Variants in CASD1 observed in about 807,000 individuals in gnomAD.
CASD1 encodes the protein N-acetylneuraminate (7)9-O-acetyltransferase.
Under a neutral mutation model 100.0 loss-of-function variants are expected in CASD1, and 41 were observed. That is an observed-to-expected ratio of 0.41 (90% confidence interval 0.32 to 0.53). The LOEUF (loss-of-function observed/expected upper bound fraction) is 0.53, where lower values mean the gene tolerates loss of function less well. CASD1 is among the 20% of genes least tolerant of loss of function. CASD1 has a pLI of 0.25. For missense variants in CASD1, 774 were observed against 948.7 expected, an observed-to-expected ratio of 0.82 and a Z score of 2.42; for synonymous variants, 321 against 315.6, an observed-to-expected ratio of 1.02 and a Z score of -0.18.
the CASD1 span, among the ~76,000 whole-genome samples, chr7:94,569,008 A>G: frequency 2.0e-5 from 3 of 152,200 alleles, no homozygotes; most frequent in Non-Finnish European, 4.4e-5. Context: ...AGTATAAGCA[A>G]ACTATTCACA....
chr7:94,623,922 G>A, the CASD1 span: 4 of 366,354 alleles, frequency 1.1e-5, no homozygotes, highest in South Asian at 5.9e-4. Flanking sequence ...GAGTAAAGTA[G>A]TAAGGATCAT....
At chr7:94,536,447 T>C (rs1795124786) in intron 8 of CASD1, among the ~76,000 whole-genome samples, 1 of 152,180 alleles carries the variant, frequency 6.6e-6, no homozygotes, top group Non-Finnish European at 1.5e-5. Context: ...TTCTTAACCT[T>C]TGTGAGAGTT....
rs1214089510 is a variant in CASD1 at position 94,537,009 on chromosome 7, A to T, written c.844-463A>T. Reference sequence around the variant, plus strand: ...TGTGCTTTTTTTCCCCCACATTTAAACAGTAGACTTTATCTTAAGTGGCCT... The same window carrying T: ...TGTGCTTTTTTTCCCCCACATTTAATCAGTAGACTTTATCTTAAGTGGCCT... On this transcript the variant is annotated intron_variant, in intron 8 of 17. Transcript: ENST00000297273. Among the ~76,000 whole-genome samples, 5 of 152,268 alleles carry T rather than the reference A, an allele frequency of 3.3e-5. No individual in the cohort carries two copies. The East Asian group carries it at 7.7e-4, about 24-fold the overall frequency.
At chr7:94,517,468 T>A in intron 1 of CASD1, 92 bp from the exon 2 acceptor site, 1 of 742,108 alleles carries the variant, frequency 1.3e-6, no homozygotes, top group Non-Finnish European at 2.2e-6. Context: ...AAACTCTACT[T>A]TTTTATTTCA....
chr7:94,590,343 TACC>T, the CASD1 span, among the ~76,000 whole-genome samples: 3 of 152,184 alleles, frequency 2.0e-5, no homozygotes, highest in Non-Finnish European at 4.4e-5. Context: ...CAAATTAGGT[TACC>T]ATTTAGCATG....
the CASD1 span, among the ~76,000 whole-genome samples, chr7:94,577,885 A>G: frequency 3.9e-5 from 6 of 152,304 alleles, no homozygotes; most frequent in Admixed American, 2.0e-4. Flanking sequence ...TAAAATGACA[A>G]TTCTCTTCAT....
At chr7:94,627,104 T>C in the CASD1 span, 9 of 152,144 alleles carry the variant, frequency 5.9e-5, no homozygotes, top group African/African-American at 2.2e-4. Context: ...TACACTGCCT[T>C]AAGGAATATG....
downstream of CASD1, among the ~76,000 whole-genome samples, chr7:94,557,661 C>T (rs1584444549): frequency 2.6e-5 from 4 of 152,058 alleles, no homozygotes; most frequent in South Asian, 8.3e-4. Context: ...CTTTTCTCTC[C>T]TATTTGAACT....
At chr7:94,583,694 C>A in the CASD1 span, among the ~76,000 whole-genome samples, 1 of 152,186 alleles carries the variant, frequency 6.6e-6, no homozygotes, top group African/African-American at 2.4e-5. Flanking sequence ...TGTACAGAAC[C>A]ACTACAGTCA....
rs956695359 is a variant in CASD1, at chr7:94,510,176, T to C, written c.92T>C (p.Leu31Pro). Residue 31 changes from leucine (L) to proline (P), a missense_variant, in exon 1 of 18, where the codon CTG becomes CCG. Around this residue, in one of 5 missense-constraint regions of CASD1, gnomAD observed 75 missense variants for 60.9 expected, o/e 1.23. Coordinates refer to ENST00000297273, the MANE Select transcript of CASD1 (RefSeq NM_022900.5). ...AAGGTGCTGGCGCTGGTGGCCGTGC[T>C]GCTGCTCGCAGCGTGCCACCTCGCC... is the stretch of plus-strand genomic sequence containing the variant. ...SAKVLALVAV[L>P]LLAACHLASR... The C allele has an allele frequency of 1.9e-5, 29 of 1,520,560 alleles. No homozygotes were observed. The African/African-American group carries it at 4.0e-4, about 21-fold the overall frequency. The allele number at this position is 1,520,560 out of a possible 1,614,324, so 94.2% of individuals were successfully genotyped here. A position where few individuals can be genotyped will look rare whatever the true frequency, so the allele number is the denominator to read the frequency against.
intron 13 of CASD1, among the ~76,000 whole-genome samples, chr7:94,548,983 G>T (rs532778494): frequency 5.3e-5 from 8 of 151,766 alleles, no homozygotes; most frequent in African/African-American, 1.7e-4. Context: ...ATGGAATTTG[G>T]GTATGGTTGA....
intron 4 of CASD1, among the ~76,000 whole-genome samples, chr7:94,527,424 G>T (rs1794630965): frequency 6.6e-6 from 1 of 152,070 alleles, no homozygotes; most frequent in South Asian, 2.1e-4. Flanking sequence ...ATGTGTTCCG[G>T]GTTAATGTCC....
At chr7:94,624,017 A>G in the CASD1 span, 1 of 393,026 alleles carries the variant, frequency 2.5e-6, no homozygotes, top group Non-Finnish European at 4.5e-6. Flanking sequence ...TGCAGAGCCA[A>G]TAGACTTACA....
chr7:94,518,924 A>C lies in CASD1; in HGVS notation c.351+601A>C, dbSNP rs1250266138. 2.6e-5 allele frequency among the ~76,000 whole-genome samples: 4 copies of C among 152,194 alleles called. No homozygotes were observed. The East Asian group carries it at 7.7e-4, about 29-fold the overall frequency. On this transcript the variant is annotated intron_variant, in intron 3 of 17. Transcript: ENST00000297273. ...TCTTTGTGTGAAAACTTTGCTTTTT[A>C]AATTATTTCCTTAGGGTGGAATCTC...
At chr7:94,598,711 C>A in the CASD1 span, 1 of 1,113,776 alleles carries the variant, frequency 9.0e-7, no homozygotes, top group African/African-American at 1.5e-5. Flanking sequence ...AAGCTCTGTT[C>A]TTTACAGATA....
intron 3 of CASD1, among the ~76,000 whole-genome samples, chr7:94,519,707 A>C (rs1304063665): frequency 6.6e-6 from 1 of 152,116 alleles, no homozygotes; most frequent in Non-Finnish European, 1.5e-5. Context: ...AGGTCTCACT[A>C]TTTCGCCCAA....
chr7:94,536,041 G>A (rs1472508998), intron 8 of CASD1, among the ~76,000 whole-genome samples: 6 of 152,102 alleles, frequency 3.9e-5, no homozygotes, highest in African/African-American at 7.2e-5. Context: ...TCAGGAGTTC[G>A]AGACTAGCCT....
intron 13 of CASD1, among the ~76,000 whole-genome samples, chr7:94,547,963 CT>C (rs1215438761): frequency 4.6e-5 from 7 of 151,316 alleles, no homozygotes; most frequent in Admixed American, 2.0e-4. Context: ...TTTTTGTAGA[CT>C]TTTATATTTG....
At chr7:94,544,764 A>G (rs971115230) in intron 11 of CASD1, among the ~76,000 whole-genome samples, 1 of 152,178 alleles carries the variant, frequency 6.6e-6, no homozygotes, top group Non-Finnish European at 1.5e-5. Flanking sequence ...CACAGGAGAC[A>G]GCATTGCTGA....
Sources: allele counts gnomAD v4.1 joint callset (sites outside exome capture counted in the v4.1 genomes callset), GRCh38; gene constraint gnomAD v4.1.1; regional missense constraint gnomAD v4.1.1; transcripts MANE v1.5; gene names NCBI Gene and HGNC (gene_info 2026-07-23, HGNC 2026-07-21).